The following KCNQ1 variants were observed in gnomAD, a reference collection of about 807,000 sequenced individuals.
KCNQ1 encodes the protein potassium voltage-gated channel subfamily KQT member 1.
KCNQ1 carries 49 observed loss-of-function variants against 72.4 expected under a neutral mutation model. That is an observed-to-expected ratio of 0.68 (90% confidence interval 0.54 to 0.86). KCNQ1 has a LOEUF of 0.86. Among genes scored for constraint, KCNQ1 ranks in the 40% least tolerant of loss-of-function variants. The pLI, the probability that KCNQ1 is intolerant of heterozygous loss-of-function variation, is 0.00. For missense variants in KCNQ1, 790 were observed against 945.1 expected, an observed-to-expected ratio of 0.84 and a Z score of 2.15; for synonymous variants, 450 against 412.6, an observed-to-expected ratio of 1.09 and a Z score of -1.10.
chr11:2,449,127 C>T (rs1270054342), intron 1 of KCNQ1, among the ~76,000 whole-genome samples: 1 of 152,192 alleles, frequency 6.6e-6, no homozygotes, highest in African/African-American at 2.4e-5. Context: ...CTGCCTTGGC[C>T]AGGGTCCTGG....
Position 2,759,079 on chromosome 11 carries a change from C to T in KCNQ1, c.1515-9765C>T, listed in dbSNP as rs1846347362. ...ATGCAAGGTGTGACCGTCGCGAACT[C>T]ACGTAGAGGGCATACAGGACCTCTT... On this transcript the variant is annotated intron_variant, in intron 11 of 15. Coordinates refer to ENST00000155840, the MANE Select transcript of KCNQ1 (RefSeq NM_000218.3). The surrounding 1 kb of genome is among the most constrained non-coding windows in gnomAD (Gnocchi z 4.4). Among the ~76,000 whole-genome samples the T allele has an allele frequency of 6.6e-6, 1 of 151,688 alleles. No individual in the cohort carries two copies. Among genetic ancestry groups the T allele is most frequent in the Non-Finnish European group, 1.5e-5 (1 of 68,018 alleles).
At position 2,676,643 on chromosome 11, in the gene KCNQ1, A is replaced by G; in HGVS notation, c.1514+14562A>G. The G allele has an allele frequency of 2.5e-6, 1 of 398,672 alleles. No individual in the cohort carries two copies. The highest frequency in any genetic ancestry group is 2.1e-5 in the African/African-American group (1 of 48,760). 24.7% of individuals were successfully genotyped at this position (398,672 alleles called of 1,614,324 possible). On this transcript the variant is annotated intron_variant, in intron 11 of 15. Transcript: ENST00000155840. The surrounding 1 kb of genome is among the most constrained non-coding windows in gnomAD (Gnocchi z 4.2). ...TGGGTAGCTTCACAGATTCACAGAT[A>G]GATAGTTCATTAAGGTCTTGAGTAT...
In KCNQ1 at chr11:2,809,199, CTTTTTT is replaced by C. The variant is rs1305417867; in HGVS notation, c.1794+31164_1794+31169del. 6.6e-6 allele frequency among the ~76,000 whole-genome samples: 1 copy of C among 151,616 alleles called. No homozygotes were observed. Among genetic ancestry groups the C allele is most frequent in the South Asian group, 2.1e-4 (1 of 4,814 alleles). On this transcript the variant is annotated intron_variant, in intron 15 of 15. Coordinates refer to ENST00000155840, the MANE Select transcript of KCNQ1 (RefSeq NM_000218.3). The surrounding 1 kb of genome is among the most constrained non-coding windows in gnomAD (Gnocchi z 7.1). ...CAGCTTTTGAATTGTTGATTTTTTTCTTTTTTTAAGAAGAAACCAAAGTAAAACAGA... is the reference window on the plus strand; with the variant it reads ...CAGCTTTTGAATTGTTGATTTTTTTCTAAGAAGAAACCAAAGTAAAACAGA...
At position 2,705,146 on chromosome 11, in the gene KCNQ1, CG is replaced by C. The variant is rs1297976323; in HGVS notation, c.1514+43069del. On this transcript the variant is annotated intron_variant, in intron 11 of 15. Transcript: ENST00000155840. ...AAGAGCAGCCTCAGCATGGGCTGCT[CG>C]GGGAATGCCCTCAGACAACAGTGCT... 2.0e-5 allele frequency among the ~76,000 whole-genome samples: 3 copies of C among 152,206 alleles called. No individual in the cohort carries two copies. In the East Asian group the frequency reaches 5.8e-4, roughly 29 times the overall value.
chr11:2,673,916 T>C lies in KCNQ1; in HGVS notation c.1514+11835T>C, dbSNP rs2133871593. 2.7e-6 allele frequency: 1 copy of C among 372,728 alleles called. No individual in the cohort carries two copies. The highest frequency in any genetic ancestry group is 2.2e-5 in the African/African-American group (1 of 44,590). 23.1% of individuals were successfully genotyped at this position (372,728 alleles called of 1,614,324 possible). ...GATGGGAGCTCAGCTCACCGGGTGC[T>C]AGACAAGGGAGTGTGTCTCTTTCCC... On this transcript the variant is annotated intron_variant, in intron 11 of 15. Coordinates refer to ENST00000155840, the MANE Select transcript of KCNQ1 (RefSeq NM_000218.3). The surrounding 1 kb of genome is among the most constrained non-coding windows in gnomAD (Gnocchi z 4.5).
At chr11:2,574,285 C>T (rs1848386517) in intron 6 of KCNQ1, among the ~76,000 whole-genome samples, 1 of 152,184 alleles carries the variant, frequency 6.6e-6, no homozygotes, top group South Asian at 2.1e-4. Context: ...ACAGGGTGAC[C>T]CCTACTCTGC....
chr11:2,705,590 G>A (rs1224212429), intron 11 of KCNQ1, among the ~76,000 whole-genome samples: 2 of 152,180 alleles, frequency 1.3e-5, no homozygotes, highest in Admixed American at 6.5e-5. Context: ...CCAAGCTCGG[G>A]GTGTGTGCCC....
At chr11:2,822,140 G>A (rs530453865) in intron 15 of KCNQ1, among the ~76,000 whole-genome samples, 158 of 152,302 alleles carry the variant, frequency 1.0e-3, no homozygotes, top group African/African-American at 3.5e-3. Context: ...GCCCAGGAAC[G>A]CAGGCAGCTT....
At position 2,691,443 on chromosome 11, in the gene KCNQ1, C is replaced by G; in HGVS notation, c.1514+29362C>G. On this transcript the variant is annotated intron_variant, in intron 11 of 15. Coordinates refer to ENST00000155840, the MANE Select transcript of KCNQ1 (RefSeq NM_000218.3). This position sits in a 1 kb window ranked among gnomAD's most constrained non-coding sequence, Gnocchi z 6.4. ...AGTCCACTGAAGCTCCCTGCCCCCA[C>G]TGAGTCTCTGATGTTGACAGCCTCT... 2.5e-6 allele frequency: 1 copy of G among 398,646 alleles called. No individual in the cohort carries two copies. Among genetic ancestry groups the G allele is most frequent in the South Asian group, 1.3e-4 (1 of 7,860 alleles). 24.7% of individuals were successfully genotyped at this position (398,646 alleles called of 1,614,324 possible). A position where few individuals can be genotyped will look rare whatever the true frequency, so the allele number is the denominator to read the frequency against.
chr11:2,640,432 T>TGCAC (rs1849555053), intron 10 of KCNQ1: 5 of 398,498 alleles, frequency 1.3e-5, no homozygotes, highest in Non-Finnish European at 2.2e-5. Flanking sequence ...ACTACAGGCA[T>TGCAC]GCACCACCAT....
intron 2 of KCNQ1, among the ~76,000 whole-genome samples, chr11:2,553,492 T>C (rs1377141954): frequency 1.3e-5 from 2 of 152,126 alleles, no homozygotes; most frequent in African/African-American, 4.8e-5. Flanking sequence ...GTTGGATTTT[T>C]TGACAAGTGC....
intron 14 of KCNQ1, 53 bp downstream of exon 14, chr11:2,777,085 C>A (rs1442403007): frequency 6.5e-7 from 1 of 1,550,320 alleles, no homozygotes; most frequent in East Asian, 2.3e-5. Flanking sequence ...TGGACTCTCC[C>A]GCACCTCTGC....
At chr11:2,553,306 T>C (rs1347620569) in intron 2 of KCNQ1, among the ~76,000 whole-genome samples, 1 of 152,172 alleles carries the variant, frequency 6.6e-6, no homozygotes, top group Non-Finnish European at 1.5e-5. Flanking sequence ...CACCTGACAG[T>C]GTCTGCCAGT....
At chr11:2,545,252 G>A (rs1422877004) in intron 2 of KCNQ1, among the ~76,000 whole-genome samples, 3 of 152,114 alleles carry the variant, frequency 2.0e-5, no homozygotes, top group South Asian at 2.1e-4. Flanking sequence ...TTCTTGTAAC[G>A]TCTTTGGCTT....
Position 2,559,838 on chromosome 11 carries a change from G to A in KCNQ1, c.478-10790G>A, listed in dbSNP as rs1166903296. On this transcript the variant is annotated intron_variant, in intron 2 of 15. Coordinates refer to ENST00000155840, the MANE Select transcript of KCNQ1 (RefSeq NM_000218.3). The surrounding 1 kb of genome is among the most constrained non-coding windows in gnomAD (Gnocchi z 4.9). Reference sequence around the variant, plus strand: ...CTCTGCTGCCTGCTTCCTGGGCAGGGGCTCCTTCCTCCCTCTCTGTCTCTG... The same window carrying A: ...CTCTGCTGCCTGCTTCCTGGGCAGGAGCTCCTTCCTCCCTCTCTGTCTCTG... Among the ~76,000 whole-genome samples the A allele has an allele frequency of 2.6e-5, 4 of 151,982 alleles. No homozygotes were observed. The highest frequency in any genetic ancestry group is 9.7e-5 in the African/African-American group (4 of 41,388).
chr11:2,534,996 C>T (rs1331922034), intron 2 of KCNQ1, among the ~76,000 whole-genome samples: 1 of 152,174 alleles, frequency 6.6e-6, no homozygotes, highest in African/African-American at 2.4e-5. Flanking sequence ...TGGAGCTAGG[C>T]CCAGAGGACT....
In KCNQ1 at chr11:2,685,006, C is replaced by T. The variant is rs1483608292; in HGVS notation, c.1514+22925C>T. ...CGGACTGGTTGCTTTTCATTCATAT[C>T]TTCTTGCCATCCCTGTCTCATGGGT... On this transcript the variant is annotated intron_variant, in intron 11 of 15. Transcript: ENST00000155840. 2.0e-5 allele frequency: 8 copies of T among 398,540 alleles called. No individual in the cohort carries two copies. In the East Asian group the frequency reaches 2.8e-4, roughly 14 times the overall value. 24.7% of individuals were successfully genotyped at this position (398,540 alleles called of 1,614,324 possible). A position where few individuals can be genotyped will look rare whatever the true frequency, so the allele number is the denominator to read the frequency against.
intron 11 of KCNQ1, among the ~76,000 whole-genome samples, chr11:2,733,814 A>ACACACACACACACACACACACACT: frequency 2.3e-5 from 2 of 86,652 alleles, no homozygotes; most frequent in Non-Finnish European, 4.8e-5. Context: ...ACACACACAC[A>ACACACACACACACACACACACACT]CTCTCTCACT....
chr11:2,571,534 G>A (rs1848334800), intron 4 of KCNQ1, 131 bp downstream of exon 4: 1 of 765,828 alleles, frequency 1.3e-6, no homozygotes, highest in East Asian at 2.6e-5. Context: ...GCCCCCGGGG[G>A]CACTGAGCCA....
Sources: allele counts gnomAD v4.1 joint callset (sites outside exome capture counted in the v4.1 genomes callset), GRCh38; gene constraint gnomAD v4.1.1; non-coding constraint Gnocchi (gnomAD v3.1); transcripts MANE v1.5; gene names NCBI Gene and HGNC (gene_info 2026-07-23, HGNC 2026-07-21).